The following FCHSD2 variants were observed in gnomAD, a reference collection of about 807,000 sequenced individuals.
FCHSD2 encodes F-BAR and double SH3 domains protein 2.
A neutral mutation model predicts 108.1 loss-of-function variants in FCHSD2; 38 were observed. The observed-to-expected ratio is 0.35, with a 90% CI of 0.27 to 0.46. The LOEUF is 0.46. FCHSD2 is among the 20% of genes least tolerant of loss of function. FCHSD2 has a pLI of 1.00. For synonymous variants in FCHSD2, 279 were observed against 314.7 expected, an observed-to-expected ratio of 0.89 and a Z score of 1.20; for missense variants, 751 against 897.8, an observed-to-expected ratio of 0.84 and a Z score of 2.09.
chr11:73,077,169 CAT>C lies in FCHSD2; in HGVS notation c.165+6524_165+6525del, dbSNP rs562631823. Among the ~76,000 whole-genome samples the C allele has an allele frequency of 4.1e-3, 607 of 147,660 alleles. 5 individuals are homozygous for C. The highest frequency in any genetic ancestry group is 0.011 in the African/African-American group (438 of 40,262). On this transcript the variant is annotated intron_variant, in intron 3 of 19. Transcript: ENST00000409418. ...GTTACGCTCATTCGTTCTACTTTCA[CAT>C]ATGTTTGAAAACTTTAATAATAATG... is the stretch of plus-strand genomic sequence containing the variant.
intron 2 of FCHSD2, among the ~76,000 whole-genome samples, chr11:73,103,625 A>G (rs1383472777): frequency 1.3e-5 from 2 of 152,248 alleles, no homozygotes; most frequent in African/African-American, 2.4e-5. Context: ...CACACAGTTC[A>G]ATTAAACTAA....
At chr11:73,085,338 G>T (rs929522122) in intron 2 of FCHSD2, among the ~76,000 whole-genome samples, 1 of 152,138 alleles carries the variant, frequency 6.6e-6, no homozygotes, top group African/African-American at 2.4e-5. Context: ...CCCAGGCTAG[G>T]TAACAATTGC....
At position 73,015,676 on chromosome 11, in the gene FCHSD2, T is replaced by C. The variant is rs182963334; in HGVS notation, c.242+133A>G. 608 of 517,370 alleles carry C rather than the reference T, an allele frequency of 1.2e-3. 5 individuals are homozygous for C. Among genetic ancestry groups the C allele is most frequent in the African/African-American group, 0.011 (541 of 50,156 alleles). The allele number at this position is 517,370 out of a possible 1,614,324, so 32.0% of individuals were successfully genotyped here. On this transcript the variant is annotated intron_variant, in intron 4 of 19. Transcript: ENST00000409418. ...TAAAACATTAAAATTTTGATAATTT[T>C]GAAATTATATCCGAAAACACAGCAG...
intron 8 of FCHSD2, among the ~76,000 whole-genome samples, chr11:72,942,235 C>T (rs1218846342): frequency 1.3e-5 from 2 of 152,212 alleles, no homozygotes; most frequent in African/African-American, 4.8e-5. Context: ...TCCTCTCTTG[C>T]TCCATCTCTC....
intron 2 of FCHSD2, among the ~76,000 whole-genome samples, chr11:73,136,665 C>A (rs1402508434): frequency 6.6e-6 from 1 of 152,160 alleles, no homozygotes; most frequent in Admixed American, 6.6e-5. Flanking sequence ...GCAGGGGGCA[C>A]TGGTGAGAAG....
intron 2 of FCHSD2, among the ~76,000 whole-genome samples, chr11:73,085,883 G>T (rs1371043556): frequency 6.6e-6 from 1 of 152,028 alleles, no homozygotes; most frequent in Non-Finnish European, 1.5e-5. Flanking sequence ...TGCTAAGAAG[G>T]GGAGAAGTAT....
chr11:73,139,991 A>G (rs770733622), intron 2 of FCHSD2, 40 bp downstream of exon 2: 1 of 1,143,488 alleles, frequency 8.7e-7, no homozygotes, highest in East Asian at 2.7e-5. Flanking sequence ...TCTTTGAAAC[A>G]GACAAACAGA....
At chr11:72,878,383 CAAAGA>C in intron 12 of FCHSD2, among the ~76,000 whole-genome samples, 1 of 152,218 alleles carries the variant, frequency 6.6e-6, no homozygotes, top group African/African-American at 2.4e-5. Context: ...GCTCTAACAA[CAAAGA>C]AAAGATAAAA....
intron 9 of FCHSD2, among the ~76,000 whole-genome samples, chr11:72,903,500 T>C (rs1029126478): frequency 4.6e-5 from 7 of 152,124 alleles, no homozygotes; most frequent in African/African-American, 1.4e-4. Context: ...ATTACAGGCG[T>C]GAGCTACCGC....
chr11:73,109,186 A>G (rs990560452), intron 2 of FCHSD2, among the ~76,000 whole-genome samples: 2 of 152,162 alleles, frequency 1.3e-5, no homozygotes, highest in African/African-American at 2.4e-5. Context: ...TGCTCAGGAT[A>G]GCTTTGGCTA....
At chr11:72,934,736 T>C (rs1856266658) in intron 8 of FCHSD2, among the ~76,000 whole-genome samples, 1 of 152,198 alleles carries the variant, frequency 6.6e-6, no homozygotes, top group Non-Finnish European at 1.5e-5. Flanking sequence ...TCTGGCAGTA[T>C]GAACTCCTTG....
At chr11:73,124,853 C>T (rs184687037) in intron 2 of FCHSD2, among the ~76,000 whole-genome samples, 1 of 151,912 alleles carries the variant, frequency 6.6e-6, no homozygotes, top group East Asian at 1.9e-4. Flanking sequence ...ATTACAGACA[C>T]TATACTAGTC....
At chr11:73,082,358 A>AAAAAAAAAG (rs1859713995) in intron 3 of FCHSD2, among the ~76,000 whole-genome samples, 1 of 149,378 alleles carries the variant, frequency 6.7e-6, no homozygotes, top group Non-Finnish European at 1.5e-5. Flanking sequence ...AAAAAAAAAA[A>AAAAAAAAAG]AAAAGAAAAG....
At chr11:73,028,992 A>G (rs950267093) in intron 3 of FCHSD2, among the ~76,000 whole-genome samples, 2 of 152,148 alleles carry the variant, frequency 1.3e-5, no homozygotes, top group African/African-American at 4.8e-5. Flanking sequence ...GTAGTTCTTC[A>G]TAGCAGTGTG....
intron 3 of FCHSD2, among the ~76,000 whole-genome samples, chr11:73,050,115 C>G (rs756752888): frequency 6.6e-6 from 1 of 152,146 alleles, no homozygotes; most frequent in African/African-American, 2.4e-5. Context: ...CATAAGATCT[C>G]CAGGGCAACT....
Position 72,842,845 on chromosome 11 carries a change from G to C in FCHSD2, c.1706-4C>G. The C allele has an allele frequency of 6.2e-7, 1 of 1,610,354 alleles. No homozygotes were observed. The highest frequency in any genetic ancestry group is 8.5e-7 in the Non-Finnish European group (1 of 1,177,378). On this transcript the variant is annotated splice_polypyrimidine_tract_variant and splice_region_variant and intron_variant, in intron 16 of 19. Transcript: ENST00000409418. ...TAAAGTGCTTTCACAAAACATACTA[G>C]GGAGCAAGAGAAAAACAAATCTGGT...
chr11:73,116,097 C>G (rs1860594930), intron 2 of FCHSD2, among the ~76,000 whole-genome samples: 1 of 152,130 alleles, frequency 6.6e-6, no homozygotes, highest in African/African-American at 2.4e-5. Flanking sequence ...TGAAGACTTT[C>G]CTTTCTATTT....
At chr11:72,983,065 C>G (rs374868216) in intron 8 of FCHSD2, among the ~76,000 whole-genome samples, 29 of 152,026 alleles carry the variant, frequency 1.9e-4, no homozygotes, top group African/African-American at 5.1e-4. Context: ...GAGGCTGAGG[C>G]GGGCGGATCA....
At chr11:72,997,533 C>A (rs1242285932) in intron 5 of FCHSD2, among the ~76,000 whole-genome samples, 4 of 151,998 alleles carry the variant, frequency 2.6e-5, no homozygotes, top group Admixed American at 2.6e-4. Flanking sequence ...TTAAAAGAGA[C>A]CTACAGTAAT....
Sources: gnomAD v4.1 joint callset for allele counts (sites outside exome capture counted in the v4.1 genomes callset) on GRCh38, gnomAD v4.1.1 for gene constraint, MANE v1.5 for transcripts, NCBI Gene and HGNC (gene_info 2026-07-23, HGNC 2026-07-21) for gene names.